Variants in PCLO observed in about 807,000 individuals in gnomAD.
PCLO encodes piccolo presynaptic cytomatrix protein, also known as protein piccolo.
In PCLO, 82 loss-of-function variants were observed where a neutral mutation model predicts 427.5. That is an observed-to-expected ratio of 0.19 (90% CI 0.16 to 0.23). PCLO has a LOEUF of 0.23. Ranked by LOEUF, PCLO falls within the 10% of genes least tolerant of loss-of-function variation. The probability of loss-of-function intolerance (pLI) is 1.00; values close to 1 mark genes in which losing one functional copy is unlikely to be tolerated. For missense variants in PCLO, 6,239 were observed against 6,115.9 expected (o/e 1.02, Z -0.67); for synonymous variants, 2,357 against 2,155.4 (o/e 1.09, Z -2.59).
intron 3 of PCLO, among the ~76,000 whole-genome samples, chr7:82,979,565 C>T (rs1312334329): frequency 2.0e-5 from 3 of 152,158 alleles, no homozygotes; most frequent in African/African-American, 7.2e-5. Context: ...ACATTCTAAA[C>T]ATTCAGAATC....
chr7:82,917,231 C>T (rs191258957), intron 6 of PCLO, among the ~76,000 whole-genome samples: 3 of 152,064 alleles, frequency 2.0e-5, no homozygotes, highest in Admixed American at 6.6e-5. Context: ...AGTTAATGCG[C>T]CTATCTTCTC....
intron 22 of PCLO, among the ~76,000 whole-genome samples, chr7:82,779,842 G>A (rs1002665024): frequency 2.0e-5 from 3 of 148,062 alleles, no homozygotes; most frequent in Admixed American, 6.9e-5. Context: ...TTGTCTCATC[G>A]TTGCAAGATG....
rs1790823815 is a variant in PCLO, at chr7:83,105,173, T to C, written c.3300+29077A>G. On this transcript the variant is annotated intron_variant, in intron 3 of 24. Transcript: ENST00000333891. ...ATGATCCTTATGTTTAAATAATCCA[T>C]GGTCTAGAATTACAAGAAAGCAATA... 2.0e-5 allele frequency among the ~76,000 whole-genome samples: 3 copies of C among 152,184 alleles called. No homozygotes were observed. In the South Asian group the frequency reaches 6.2e-4, roughly 31 times the overall value.
chr7:83,039,426 T>C (rs945404779), intron 3 of PCLO, among the ~76,000 whole-genome samples: 1 of 152,098 alleles, frequency 6.6e-6, no homozygotes, highest in South Asian at 2.1e-4. Context: ...ATTTTGCATA[T>C]GAATATCAAA....
intron 3 of PCLO, among the ~76,000 whole-genome samples, chr7:83,023,306 A>G (rs1788392423): frequency 6.6e-6 from 1 of 152,232 alleles, no homozygotes; most frequent in African/African-American, 2.4e-5. Flanking sequence ...CAAACATTAC[A>G]GAACTACTTA....
At chr7:83,101,199 C>T (rs1028218380) in intron 3 of PCLO, among the ~76,000 whole-genome samples, 1 of 151,746 alleles carries the variant, frequency 6.6e-6, no homozygotes, top group Non-Finnish European at 1.5e-5. Flanking sequence ...TAATCAATTT[C>T]AAATCACTTT....
chr7:82,954,662 G>A lies in PCLO; in HGVS notation c.6291C>T (p.Asp2097=). 6.2e-7 allele frequency: 1 copy of A among 1,613,916 alleles called. No individual in the cohort carries two copies. Residue 2097 remains aspartate (D), a synonymous_variant, in exon 5 of 25, where the codon GAC becomes GAT. Coordinates refer to ENST00000333891, the MANE Select transcript of PCLO (RefSeq NM_033026.6). ...IGEDMTESTM[D]FDRMPDASLT... ...AAGAGGCATCTGGCATTCTGTCAAA[G>A]TCCATGGTGGACTCTGTCATATCCT... is the stretch of plus-strand genomic sequence containing the variant.
chr7:83,156,094 C>T lies in PCLO; in HGVS notation c.547G>A (p.Glu183Lys), dbSNP rs1383671427. ...FNPFDLISDS[E>K]ASQEETTKKQ... ...TTGGTGGTTTCTTCCTGGGATGCCT[C>T]AGAGTCTGATATCAAATCAAAAGGG... The change falls in exon 2 of 25, where the codon GAG becomes AAG. Residue 183 changes from glutamate to lysine, a missense_variant. This residue lies in a region of PCLO where 4,677 missense variants were observed against 4,468.4 expected (regional missense o/e 1.05). Transcript: ENST00000333891. 1 of 1,613,572 alleles carries T rather than the reference C, an allele frequency of 6.2e-7. No homozygotes were observed. The highest frequency in any genetic ancestry group is 2.2e-5 in the East Asian group (1 of 44,856).
At chr7:83,097,602 CCT>C (rs1165834896) in intron 3 of PCLO, among the ~76,000 whole-genome samples, 5 of 143,388 alleles carry the variant, frequency 3.5e-5, no homozygotes, top group Admixed American at 1.5e-4. Context: ...AGGGCTTACT[CCT>C]CTGTTTTTTC....
chr7:82,764,456 T>C lies in PCLO; in HGVS notation c.15008-2963A>G, dbSNP rs548231202. Among the ~76,000 whole-genome samples, 3 of 152,072 alleles carry C rather than the reference T, an allele frequency of 2.0e-5. No individual in the cohort carries two copies. The South Asian group carries it at 6.2e-4, about 31-fold the overall frequency. On this transcript the variant is annotated intron_variant, in intron 22 of 24. Coordinates refer to ENST00000333891, the MANE Select transcript of PCLO (RefSeq NM_033026.6). ...GTTGAGATTAAGCATATCTATTATA[T>C]CACTAAACATGAGTAAGTTTTAGCT...
intron 3 of PCLO, among the ~76,000 whole-genome samples, chr7:82,997,264 T>C (rs1167276383): frequency 6.6e-6 from 1 of 151,956 alleles, no homozygotes; most frequent in Admixed American, 6.6e-5. Flanking sequence ...AAAGTGATTA[T>C]AGGCTATCTC....
intron 20 of PCLO, among the ~76,000 whole-genome samples, chr7:82,818,456 G>T (rs115498317): frequency 1.3e-5 from 2 of 152,212 alleles, no homozygotes; most frequent in East Asian, 3.9e-4. Flanking sequence ...GCTTCCTTTT[G>T]TTGGGTTAAA....
chr7:82,980,793 T>G (rs1796129682), intron 3 of PCLO, among the ~76,000 whole-genome samples: 1 of 152,058 alleles, frequency 6.6e-6, no homozygotes, highest in Non-Finnish European at 1.5e-5. Flanking sequence ...TCCTGATTTA[T>G]AGAGAATGTG....
At chr7:82,854,146 T>C (rs1266671117) in intron 10 of PCLO, among the ~76,000 whole-genome samples, 1 of 152,242 alleles carries the variant, frequency 6.6e-6, no homozygotes, top group Admixed American at 6.6e-5. Flanking sequence ...TCAGTGGCAG[T>C]TGTCCAGGTT....
At chr7:83,109,949 T>G (rs1790961275) in intron 3 of PCLO, among the ~76,000 whole-genome samples, 1 of 151,920 alleles carries the variant, frequency 6.6e-6, no homozygotes, top group East Asian at 1.9e-4. Flanking sequence ...CTGTCTGGGT[T>G]AGCATTTTGA....
At chr7:83,029,196 C>T (rs370535248) in intron 3 of PCLO, among the ~76,000 whole-genome samples, 4 of 149,008 alleles carry the variant, frequency 2.7e-5, no homozygotes, top group Admixed American at 6.7e-5. Context: ...AGAAAATTTT[C>T]GCAACTTACT....
At chr7:83,061,985 C>T (rs1223976093) in intron 3 of PCLO, among the ~76,000 whole-genome samples, 1 of 152,068 alleles carries the variant, frequency 6.6e-6, no homozygotes, top group Non-Finnish European at 1.5e-5. Context: ...GAAGAAGTCC[C>T]ATTGCCTTAT....
In PCLO at chr7:82,956,498, T is replaced by G. The variant is rs201042289; in HGVS notation, c.4455A>C (p.Gln1485His). The change falls in exon 5 of 25, where the codon CAA (glutamine) becomes CAC (histidine). Residue 1485 changes from glutamine to histidine, a missense_variant. Around this residue, in one of 5 missense-constraint regions of PCLO, gnomAD observed 4,677 missense variants for 4,468.4 expected, o/e 1.05. Transcript: ENST00000333891. ...TATGGTCCTTGCTGGAAGGAATATC[T>G]TGTTGGCTATCTTTTTTAAAAGTGT... is the stretch of plus-strand genomic sequence containing the variant. The part of the protein sequence containing the change: ...RKDTFKKDSQ[Q>H]DIPSSKDHKE... The G allele has an allele frequency of 6.2e-7, 1 of 1,613,470 alleles. No individual in the cohort carries two copies. Among genetic ancestry groups the G allele is most frequent in the Non-Finnish European group, 8.5e-7 (1 of 1,179,806 alleles).
Position 82,952,700 on chromosome 7 carries a change from T to A in PCLO, c.8253A>T (p.Thr2751=). ...TDKCIDLSAS[T]MDVKRQITAN... ...CTGTGATCTGCCTTTTCACATCCAT[T>A]GTAGAAGCAGAAAGATCAATACATT... The change falls in exon 5 of 25, where the codon ACA becomes ACT. Residue 2751 remains threonine, a synonymous_variant. Coordinates refer to ENST00000333891, the MANE Select transcript of PCLO (RefSeq NM_033026.6). 1 of 1,613,932 alleles carries A rather than the reference T, an allele frequency of 6.2e-7. No individual in the cohort carries two copies. The highest frequency in any genetic ancestry group is 8.5e-7 in the Non-Finnish European group (1 of 1,179,850).
Sources: gnomAD v4.1 joint callset for allele counts (sites outside exome capture counted in the v4.1 genomes callset) on GRCh38, gnomAD v4.1.1 for gene constraint, gnomAD v4.1.1 regional missense constraint, MANE v1.5 for transcripts, NCBI Gene and HGNC (gene_info 2026-07-23, HGNC 2026-07-21) for gene names.